Variants in AGMO observed in about 807,000 individuals in gnomAD.
The protein encoded by AGMO is alkylglycerol monooxygenase.
A neutral mutation model predicts 60.2 loss-of-function variants in AGMO; 75 were observed. That is an observed-to-expected ratio of 1.25 (90% CI 1.03 to 1.51). AGMO has a LOEUF of 1.51. Among genes scored for constraint, AGMO ranks in the 40% most tolerant of loss-of-function variants. The probability of loss-of-function intolerance (pLI) is 0.00; values close to 1 mark genes in which losing one functional copy is unlikely to be tolerated. For synonymous variants in AGMO, 261 were observed against 177.1 expected, an observed-to-expected ratio of 1.47 and a Z score of -3.76; for missense variants, 763 against 525.5, an observed-to-expected ratio of 1.45 and a Z score of -4.42.
intron 5 of AGMO, among the ~76,000 whole-genome samples, chr7:15,407,131 C>T (rs996571617): frequency 2.8e-5 from 4 of 145,454 alleles, no homozygotes; most frequent in African/African-American, 5.0e-5. Context: ...TATATACCCA[C>T]GTATACACAT....
At chr7:15,241,450 A>C in intron 12 of AGMO, among the ~76,000 whole-genome samples, 1 of 105,540 alleles carries the variant, frequency 9.5e-6, no homozygotes, top group Non-Finnish European at 1.8e-5. Context: ...AAAGAGTGAG[A>C]CTCCGTCTCA....
At chr7:15,467,634 T>G (rs73064243) in intron 3 of AGMO, among the ~76,000 whole-genome samples, 2 of 152,234 alleles carry the variant, frequency 1.3e-5, no homozygotes, top group Non-Finnish European at 2.9e-5. Context: ...TAATGGTTCT[T>G]CCAGACAAAT....
the AGMO span, among the ~76,000 whole-genome samples, chr7:15,165,010 A>C: frequency 6.6e-6 from 1 of 152,196 alleles, no homozygotes; most frequent in Non-Finnish European, 1.5e-5. Flanking sequence ...AGATTATTGG[A>C]TAGAGAAAAT....
intron 12 of AGMO, among the ~76,000 whole-genome samples, chr7:15,303,468 A>T (rs1395215822): frequency 6.6e-6 from 1 of 151,960 alleles, no homozygotes; most frequent in Non-Finnish European, 1.5e-5. Context: ...GGTGGTGAAC[A>T]TCTGGGGTGG....
the AGMO span, among the ~76,000 whole-genome samples, chr7:15,165,627 AG>A: frequency 2.0e-5 from 3 of 152,204 alleles, no homozygotes; most frequent in Non-Finnish European, 4.4e-5. Context: ...CCAGATGTAA[AG>A]AGTAGCATAT....
chr7:15,237,898 A>C (rs898063946), intron 12 of AGMO, among the ~76,000 whole-genome samples: 1 of 151,810 alleles, frequency 6.6e-6, no homozygotes, highest in African/African-American at 2.4e-5. Context: ...CAATTTTACA[A>C]CTCCATATAG....
chr7:15,201,410 T>G, intron 12 of AGMO, 51 bp from the exon 13 acceptor site: 1 of 1,281,374 alleles, frequency 7.8e-7, no homozygotes, highest in Non-Finnish European at 1.1e-6. Flanking sequence ...GAATCAATAC[T>G]ATTGCTCAAC....
At chr7:15,377,411 G>C (rs1359744694) in intron 10 of AGMO, among the ~76,000 whole-genome samples, 1 of 151,966 alleles carries the variant, frequency 6.6e-6, no homozygotes, top group Admixed American at 6.6e-5. Context: ...GAGAAATCTT[G>C]AGAAAACCAT....
intron 12 of AGMO, among the ~76,000 whole-genome samples, chr7:15,361,797 C>T (rs372333704): frequency 6.6e-6 from 1 of 152,030 alleles, no homozygotes; most frequent in Non-Finnish European, 1.5e-5. Flanking sequence ...TAGGCACACA[C>T]CTCCCAAATA....
chr7:15,483,570 AAAAC>A (rs3076838), intron 3 of AGMO, among the ~76,000 whole-genome samples: 3,687 of 148,860 alleles, frequency 0.025, 138 homozygotes, highest in African/African-American at 0.085. Flanking sequence ...ACTCTGTCTC[AAAAC>A]AAACAAACAA....
chr7:15,515,578 T>G (rs1198516775), intron 3 of AGMO, among the ~76,000 whole-genome samples: 1 of 152,252 alleles, frequency 6.6e-6, no homozygotes, highest in Non-Finnish European at 1.5e-5. Context: ...ACAATTTTGC[T>G]GTATATGAAT....
intron 12 of AGMO, among the ~76,000 whole-genome samples, chr7:15,365,045 G>T (rs1359653879): frequency 1.3e-5 from 2 of 151,910 alleles, no homozygotes; most frequent in Admixed American, 6.6e-5. Flanking sequence ...ATATTTTTCA[G>T]CTGTAGAAAA....
rs1474077616 is a variant in AGMO, at chr7:15,385,542, G to A, written c.978C>T (p.Pro326=). The A allele has an allele frequency of 8.1e-6, 13 of 1,611,800 alleles. No homozygotes were observed. Among genetic ancestry groups the A allele is most frequent in the Non-Finnish European group, 1.1e-5 (13 of 1,178,290 alleles). The change falls in exon 10 of 13, where the codon CCC becomes CCT. Residue 326 remains proline, a synonymous_variant. Transcript: ENST00000342526. ...ATAGCTGAGATGAAGATGATGAGAA[G>A]GGAACTTCTTTGCCGGTGACCTAGG... The part of the protein sequence containing the change: ...EIPEVTGKEV[P]FSSSSSQLLK...
At chr7:15,252,722 G>T (rs986685618) in intron 12 of AGMO, among the ~76,000 whole-genome samples, 3 of 152,168 alleles carry the variant, frequency 2.0e-5, no homozygotes, top group African/African-American at 7.2e-5. Context: ...AAGAACTTGT[G>T]ATTCTTGAAA....
intron 2 of AGMO, among the ~76,000 whole-genome samples, chr7:15,547,988 C>T (rs1784836116): frequency 6.8e-6 from 1 of 146,740 alleles, no homozygotes; most frequent in Non-Finnish European, 1.6e-5. Context: ...CAGACTGCCT[C>T]CTCAAGTGGG....
At chr7:15,317,778 T>C (rs4255036) in intron 12 of AGMO, among the ~76,000 whole-genome samples, 53,818 of 151,034 alleles carry the variant, frequency 0.36, 11,034 homozygotes, top group East Asian at 0.51. Flanking sequence ...AATGGTGGTA[T>C]TCAATGAATG....
rs1208117070 is a variant in AGMO, at chr7:15,387,450, C to A, written c.913G>T (p.Gly305Cys). 11 of 1,613,998 alleles carry A rather than the reference C, an allele frequency of 6.8e-6. No homozygotes were observed. Among genetic ancestry groups the A allele is most frequent in the Middle Eastern group, 1.7e-4 (1 of 6,058 alleles). Residue 305 changes from glycine to cysteine, a missense_variant, in exon 9 of 13, where the codon GGT (glycine) becomes TGT (cysteine). Gly to Cys is a radical substitution (Grantham distance 159, BLOSUM62 -3). Coordinates refer to ENST00000342526, the MANE Select transcript of AGMO (RefSeq NM_001004320.2). ...AGACCAAGTCTTGGTTTACCTGGACCCCATCCCGGTCCCTTAAATATGACA... is the reference window on the plus strand; with the variant it reads ...AGACCAAGTCTTGGTTTACCTGGACACCATCCCGGTCCCTTAAATATGACA... ...FSVIFKGPGW[G>C]PGKPRLGLSE...
At chr7:15,322,725 T>TATATATATAA (rs1781206277) in intron 12 of AGMO, among the ~76,000 whole-genome samples, 2 of 72,800 alleles carry the variant, frequency 2.7e-5, no homozygotes, top group Non-Finnish European at 4.6e-5. Flanking sequence ...AATATATAAA[T>TATATATATAA]ATATATATAA....
chr7:15,194,203 C>T, the AGMO span, among the ~76,000 whole-genome samples: 2 of 152,032 alleles, frequency 1.3e-5, no homozygotes, highest in South Asian at 2.1e-4. Flanking sequence ...ACTTCAGTTA[C>T]ATTAATTGAA....
Sources: gnomAD v4.1 joint callset for allele counts (sites outside exome capture counted in the v4.1 genomes callset) on GRCh38, gnomAD v4.1.1 for gene constraint, MANE v1.5 for transcripts, NCBI Gene and HGNC (gene_info 2026-07-23, HGNC 2026-07-21) for gene names.